Variants in TTN observed in about 807,000 individuals in gnomAD.
TTN encodes titin, also known as connectin.
TTN carries 1,525 observed loss-of-function variants against 3,223.0 expected under a neutral mutation model. That is an observed-to-expected ratio of 0.47 (90% CI 0.45 to 0.49). TTN has a LOEUF of 0.49. TTN is among the 20% of genes least tolerant of loss of function. TTN has a pLI of 0.00. For synonymous variants in TTN, 14,094 were observed against 15,161.0 expected (o/e 0.93, Z 5.17); for missense variants, 40,786 against 43,424.0 (o/e 0.94, Z 5.40).
At position 178,667,499 on chromosome 2, in the gene TTN, G is replaced by A; in HGVS notation, c.35656C>T (p.Pro11886Ser). 1 of 1,598,176 alleles carries A rather than the reference G, an allele frequency of 6.3e-7. No individual in the cohort carries two copies. Among genetic ancestry groups the A allele is most frequent in the South Asian group, 1.1e-5 (1 of 90,910 alleles). Residue 11886 changes from proline to serine, a missense_variant, in exon 161 of 363, where the codon CCA becomes TCA. Transcript: ENST00000589042. ...KVPEPPKKVVPEDKIYVTIPK... is the reference protein window; with the variant it reads ...KVPEPPKKVVSEDKIYVTIPK... ...ATAGTCACATATATTTTGTCTTCTG[G>A]AACAACTTTCTTGGGTGGCTCAGGC...
intron 59 of TTN, 50 bp from the exon 60 acceptor site, chr2:178,731,253 G>C (rs764326553): frequency 2.5e-5 from 40 of 1,610,360 alleles, no homozygotes; most frequent in Non-Finnish European, 3.3e-5. Context: ...CCTGCTGAAA[G>C]GCTTACATCT....
chr2:178,644,473 C>A, intron 218 of TTN, 75 bp downstream of exon 218: 3 of 1,092,350 alleles, frequency 2.7e-6, no homozygotes, highest in Non-Finnish European at 3.9e-6. Flanking sequence ...ACAGAACATT[C>A]GATGGAGGCA....
At chr2:178,773,409 C>T (rs561681646) in intron 32 of TTN, 40 bp from the exon 33 acceptor site, 6 of 1,613,792 alleles carry the variant, frequency 3.7e-6, no homozygotes, top group African/African-American at 2.7e-5. Flanking sequence ...TATTGTTACA[C>T]TGGGAAAGTA....
rs772843200 is a variant in TTN at position 178,584,275 on chromosome 2, C to G, written c.65275+1G>C. On this transcript the variant is annotated splice_donor_variant, in intron 311 of 362. Coordinates refer to ENST00000589042, the MANE Select transcript of TTN (RefSeq NM_001267550.2). LOFTEE classifies it high-confidence loss of function. ...AACAATAAAAAAACCCCAAAACTTA[C>G]CAACTGGCATTCTTGCAGTTACATA... 1 of 1,547,152 alleles carries G rather than the reference C, an allele frequency of 6.5e-7. No individual in the cohort carries two copies. Among genetic ancestry groups the G allele is most frequent in the South Asian group, 1.3e-5 (1 of 79,570 alleles).
In TTN at chr2:178,727,196, G is replaced by A. The variant is rs727504776; in HGVS notation, c.20169C>T (p.Ala6723=). The change falls in exon 69 of 363, where the codon GCC becomes GCT. Residue 6723 remains alanine, a synonymous_variant. Coordinates refer to ENST00000589042, the MANE Select transcript of TTN (RefSeq NM_001267550.2). Reference sequence around the variant, plus strand: ...TACTGAGATTGTTCATCTGTATGACGGCCACTGAGTCAATGAAAGTCATTC... The same window carrying A: ...TACTGAGATTGTTCATCTGTATGACAGCCACTGAGTCAATGAAAGTCATTC... The part of the protein sequence containing the change: ...KYRMTFIDSV[A]VIQMNNLSTE... The A allele has an allele frequency of 1.1e-5, 18 of 1,613,012 alleles. No homozygotes were observed. The highest frequency in any genetic ancestry group is 1.3e-5 in the African/African-American group (1 of 74,824).
chr2:178,692,538 G>A lies in TTN; in HGVS notation c.31637C>T (p.Pro10546Leu). The A allele has an allele frequency of 6.3e-7, 1 of 1,581,790 alleles. No homozygotes were observed. ...CTCCACTTTTTTAGGGATAGGAACA[G>A]GGGCCACTTCTTCTGGAGCTGGTTT... The part of the protein sequence containing the change: ...PEKPAPEEVA[P>L]VPIPKKVEPP... Residue 10546 changes from proline (P) to leucine (L), a missense_variant, in exon 120 of 363, where the codon CCT (proline) becomes CTT (leucine). Pro to Leu is a moderately conservative substitution (Grantham distance 98). Transcript: ENST00000589042.
In TTN at chr2:178,776,126, G is replaced by T. The variant is rs1306092689; in HGVS notation, c.5738C>A (p.Thr1913Asn). ...TATCACACCTTCAGGATTTTCCGCG[G>T]TGACCTTCACTTCACCTGTGTCATA... ...KSYDTGEVKVTAENPEGVIEH... is the reference protein window; with the variant it reads ...KSYDTGEVKVNAENPEGVIEH... Residue 1913 changes from threonine (T) to asparagine (N), a missense_variant, in exon 28 of 363, where the codon ACC becomes AAC. Thr to Asn is a moderately conservative substitution (Grantham distance 65). Transcript: ENST00000589042. 6.2e-7 allele frequency: 1 copy of T among 1,613,964 alleles called. No individual in the cohort carries two copies. The highest frequency in any genetic ancestry group is 8.5e-7 in the Non-Finnish European group (1 of 1,180,008).
chr2:178,713,855 A>G (rs371554922), intron 92 of TTN, 42 bp downstream of exon 92: 5 of 1,598,478 alleles, frequency 3.1e-6, no homozygotes, highest in Non-Finnish European at 4.3e-6. Flanking sequence ...CAGGAACTAC[A>G]TTATTATAAT....
chr2:178,788,463 T>C (rs2093322363), intron 13 of TTN, among the ~76,000 whole-genome samples: 1 of 152,080 alleles, frequency 6.6e-6, no homozygotes, highest in Admixed American at 6.5e-5. Context: ...TGATATGCCA[T>C]TAAATGTTAG....
chr2:178,589,977 T>C lies in TTN; in HGVS notation c.61748A>G (p.Lys20583Arg). The change falls in exon 304 of 363, where the codon AAA becomes AGA. Residue 20583 changes from lysine to arginine, a missense_variant. Coordinates refer to ENST00000589042, the MANE Select transcript of TTN (RefSeq NM_001267550.2). ...TTCCCAAGAAATTGTACAGTTCTCTTTGGTTACATTGGTAACCTTCAAATT... is the reference window on the plus strand; with the variant it reads ...TTCCCAAGAAATTGTACAGTTCTCTCTGGTTACATTGGTAACCTTCAAATT... ...CQNLKVTNVT[K>R]ENCTISWENP... 6.2e-7 allele frequency: 1 copy of C among 1,613,184 alleles called. No homozygotes were observed. Among genetic ancestry groups the C allele is most frequent in the Non-Finnish European group, 8.5e-7 (1 of 1,179,492 alleles).
chr2:178,565,299 C>A lies in TTN; in HGVS notation c.80833G>T (p.Asp26945Tyr). 3 of 1,613,634 alleles carry A rather than the reference C, an allele frequency of 1.9e-6. No individual in the cohort carries two copies. Among genetic ancestry groups the A allele is most frequent in the Non-Finnish European group, 2.5e-6 (3 of 1,179,682 alleles). ...TVLHIKEGNK[D>Y]DFGKYTVTAT... ...GTTACGGTGTATTTTCCAAAGTCAT[C>A]TTTGTTACCTTCTTTAATGTGCAAA... Residue 26945 changes from aspartate to tyrosine, a missense_variant, in exon 326 of 363, where the codon GAT becomes TAT. Coordinates refer to ENST00000589042, the MANE Select transcript of TTN (RefSeq NM_001267550.2).
In TTN at chr2:178,574,235, A is replaced by G; in HGVS notation, c.71897T>C (p.Leu23966Pro). The G allele has an allele frequency of 6.2e-7, 1 of 1,613,304 alleles. No individual in the cohort carries two copies. Among genetic ancestry groups the G allele is most frequent in the East Asian group, 2.2e-5 (1 of 44,716 alleles). Residue 23966 changes from leucine to proline, a missense_variant, in exon 326 of 363, where the codon CTT becomes CCT. Physicochemically the swap from Leu to Pro is moderately conservative, Grantham distance 98. Coordinates refer to ENST00000589042, the MANE Select transcript of TTN (RefSeq NM_001267550.2). Reference protein sequence around the residue: ...ITSYIVEKRDLPNGRWLKANF... With the variant: ...ITSYIVEKRDPPNGRWLKANF... ...GGCCTTCAGCCACCGTCCATTAGGA[A>G]GGTCTCTCTTTTCAACGATATAACT...
intron 240 of TTN, among the ~76,000 whole-genome samples, chr2:178,627,704 T>C (rs1032380557): frequency 6.6e-6 from 1 of 151,938 alleles, no homozygotes; most frequent in African/African-American, 2.4e-5. Context: ...TTTTTAGGAG[T>C]CTACATTTGA....
Position 178,549,317 on chromosome 2 carries a change from A to G in TTN, c.92309T>C (p.Ile30770Thr). The change falls in exon 339 of 363, where the codon ATC becomes ACC. Residue 30770 changes from isoleucine (I) to threonine (T), a missense_variant. By Grantham distance (89) the Ile-to-Thr change is moderately conservative. Coordinates refer to ENST00000589042, the MANE Select transcript of TTN (RefSeq NM_001267550.2). The part of the protein sequence containing the change: ...EKKSTRWVKV[I>T]SKRPISETRF... Reference sequence around the variant, plus strand: ...TGTTTCAGAGATTGGTCGTTTGCTGATCACTTTTACCCATCTTGTGCTTTT... The same window carrying G: ...TGTTTCAGAGATTGGTCGTTTGCTGGTCACTTTTACCCATCTTGTGCTTTT... The G allele has an allele frequency of 6.2e-7, 1 of 1,613,906 alleles. No individual in the cohort carries two copies. The highest frequency in any genetic ancestry group is 1.1e-5 in the South Asian group (1 of 91,078).
In TTN at chr2:178,544,394, A is replaced by G. The variant is rs767187810; in HGVS notation, c.95835T>C (p.Val31945=). ...CAGTGTCCTTCTCTTGCATTTCCAGAACATATCCTACAATGTCAGTACCAC... is the reference window on the plus strand; with the variant it reads ...CAGTGTCCTTCTCTTGCATTTCCAGGACATATCCTACAATGTCAGTACCAC... ...YDGGTDIVGY[V]LEMQEKDTDQ... The change falls in exon 345 of 363, where the codon GTT becomes GTC. Residue 31945 remains valine, a synonymous_variant. Coordinates refer to ENST00000589042, the MANE Select transcript of TTN (RefSeq NM_001267550.2). 16 of 1,613,724 alleles carry G rather than the reference A, an allele frequency of 9.9e-6. No homozygotes were observed. Among genetic ancestry groups the G allele is most frequent in the Non-Finnish European group, 1.4e-5 (16 of 1,179,724 alleles).
At chr2:178,746,542 T>G in intron 47 of TTN, 1 of 1,613,246 alleles carries the variant, frequency 6.2e-7, no homozygotes, top group Non-Finnish European at 8.5e-7. Context: ...GCTGATGTGT[T>G]ACTGGAGGTG....
Position 178,714,532 on chromosome 2 carries a change from C to T in TTN, c.26242G>A (p.Val8748Ile), listed in dbSNP as rs1456259621. ...TGCAGCTGAACTTCTTTACCAACGACAGTAGATATGTCACTGAGCTTCTTC... is the reference window on the plus strand; with the variant it reads ...TGCAGCTGAACTTCTTTACCAACGATAGTAGATATGTCACTGAGCTTCTTC... ...FVKKLSDIST[V>I]VGKEVQLQTT... The change falls in exon 91 of 363, where the codon GTC (valine) becomes ATC (isoleucine). Residue 8748 changes from valine (V) to isoleucine (I), a missense_variant. Coordinates refer to ENST00000589042, the MANE Select transcript of TTN (RefSeq NM_001267550.2). The T allele has an allele frequency of 1.2e-6, 2 of 1,612,726 alleles. No homozygotes were observed. The highest frequency in any genetic ancestry group is 1.3e-5 in the African/African-American group (1 of 74,864).
chr2:178,802,129 G>A lies in TTN; in HGVS notation c.295+9C>T. 6.2e-7 allele frequency: 1 copy of A among 1,613,972 alleles called. No homozygotes were observed. The highest frequency in any genetic ancestry group is 8.5e-7 in the Non-Finnish European group (1 of 1,179,992). ...GGAGCAGAGGATTGGCAGGTCCCCA[G>A]CAGCCTACCTTTCACGAGAAGCTCA... On this transcript the variant is annotated intron_variant, in intron 3 of 362. Coordinates refer to ENST00000589042, the MANE Select transcript of TTN (RefSeq NM_001267550.2).
rs529839486 is a variant in TTN at position 178,567,047 on chromosome 2, A to G, written c.79085T>C (p.Met26362Thr). 1.6e-4 allele frequency: 257 copies of G among 1,613,658 alleles called. 3 individuals are homozygous for G. The highest frequency in any genetic ancestry group is 1.5e-3 in the Admixed American group (88 of 60,000). The change falls in exon 326 of 363, where the codon ATG becomes ACG. Residue 26362 changes from methionine (M) to threonine (T), a missense_variant. Transcript: ENST00000589042. ...LEGNEYVFRI[M>T]AVNKYGVGEP... is the part of the protein sequence containing the mutation. ...TCCAACACCATATTTGTTGACAGCC[A>G]TTATACGGAAAACATATTCATTACC...
Sources: allele counts gnomAD v4.1 joint callset (sites outside exome capture counted in the v4.1 genomes callset), GRCh38; gene constraint gnomAD v4.1.1; transcripts MANE v1.5; gene names NCBI Gene and HGNC (gene_info 2026-07-23, HGNC 2026-07-21).